UFSP2: variants seen among roughly 807,000 people sequenced by gnomAD.
The protein encoded by UFSP2 is UFM1 specific peptidase 2, also known as ufm1-specific protease 2.
A neutral mutation model predicts 60.2 loss-of-function variants in UFSP2; 43 were observed. The observed-to-expected ratio is 0.71, with a 90% CI of 0.56 to 0.92. UFSP2 has a LOEUF of 0.92. UFSP2 is among the 40% of genes least tolerant of loss of function. The pLI, the probability that UFSP2 is intolerant of heterozygous loss-of-function variation, is 0.00. For synonymous variants in UFSP2, 183 were observed against 195.1 expected (o/e 0.94, Z 0.52); for missense variants, 520 against 575.0 (o/e 0.90, Z 0.98).
At position 185,400,218 on chromosome 4, in the gene UFSP2, GT is replaced by G. The variant is rs2095511668; in HGVS notation, c.*173del. ...TGGTTGTGTATGCTTTGTCTTTTAAGTTATTAAAGGAACGTCTAAAAAATAC... is the reference window on the plus strand; with the variant it reads ...TGGTTGTGTATGCTTTGTCTTTTAAGTATTAAAGGAACGTCTAAAAAATAC... On this transcript the variant is annotated 3_prime_UTR_variant, in exon 12 of 12. Coordinates refer to ENST00000264689, the MANE Select transcript of UFSP2 (RefSeq NM_018359.5). The G allele has an allele frequency of 2.8e-6, 2 of 706,590 alleles. No individual in the cohort carries two copies. Among genetic ancestry groups the G allele is most frequent in the Non-Finnish European group, 4.6e-6 (2 of 433,736 alleles). The allele number at this position is 706,590 out of a possible 1,614,324, so 43.8% of individuals were successfully genotyped here.
Position 185,407,947 on chromosome 4 carries a change from G to C in UFSP2, c.1110C>G (p.Ile370Met), listed in dbSNP as rs545368282. Residue 370 changes from isoleucine to methionine, a missense_variant, in exon 9 of 12, where the codon ATC (isoleucine) becomes ATG (methionine). Physicochemically the swap from Ile to Met is conservative, Grantham distance 10 (BLOSUM62 1). Transcript: ENST00000264689. ...TAAAGTGTGCTTACCTGACAAACAG[G>C]ATTTTTGACGTTATACCGATCAATT... is the stretch of plus-strand genomic sequence containing the variant. ...LNQLIGITSKILFVSQGSEIA... is the reference protein window; with the variant it reads ...LNQLIGITSKMLFVSQGSEIA... 1.1e-5 allele frequency: 18 copies of C among 1,613,586 alleles called. No homozygotes were observed. The South Asian group carries it at 1.8e-4, about 16-fold the overall frequency.
chr4:185,406,260 C>T (rs2095520286), intron 9 of UFSP2: 1 of 236,656 alleles, frequency 4.2e-6, no homozygotes, highest in African/African-American at 2.2e-5. Context: ...TGTATTTCCT[C>T]ATCTTTAAAT....
At chr4:185,418,290 A>G in intron 4 of UFSP2, 151 bp downstream of exon 4, 1 of 580,562 alleles carries the variant, frequency 1.7e-6, no homozygotes, top group Non-Finnish European at 2.9e-6. Flanking sequence ...AAGTAAGACA[A>G]ACATATAACT....
intron 1 of UFSP2, among the ~76,000 whole-genome samples, chr4:185,423,758 G>A (rs2153296464): frequency 6.6e-6 from 1 of 151,882 alleles, no homozygotes; most frequent in Non-Finnish European, 1.5e-5. Flanking sequence ...CATTGTTTGT[G>A]TACACATATA....
chr4:185,402,086 G>A (rs1056167039), intron 11 of UFSP2, among the ~76,000 whole-genome samples: 22 of 151,990 alleles, frequency 1.4e-4, no homozygotes, highest in African/African-American at 4.6e-4. Context: ...CACCAGCCTC[G>A]TAGAAGCACC....
chr4:185,420,291 CA>C (rs1436960836), intron 2 of UFSP2, among the ~76,000 whole-genome samples: 1 of 151,748 alleles, frequency 6.6e-6, no homozygotes, highest in Non-Finnish European at 1.5e-5. Context: ...TTTGAATATT[CA>C]AAAAATTAGA....
rs2095520118 is a variant in UFSP2 at position 185,406,127 on chromosome 4, T to C, written c.1122-271A>G. The C allele has an allele frequency of 1.3e-5, 6 of 468,128 alleles. No individual in the cohort carries two copies. In the East Asian group the frequency reaches 2.9e-4, roughly 23 times the overall value. 29.0% of individuals were successfully genotyped at this position (468,128 alleles called of 1,614,324 possible). ...CTTCTTGAACTGTATAAAGGAGGCC[T>C]GGGTTTTTAACATGAAGTTAAAACA... On this transcript the variant is annotated intron_variant, in intron 9 of 11. Transcript: ENST00000264689.
chr4:185,404,293 G>GT (rs70962562), intron 10 of UFSP2, among the ~76,000 whole-genome samples: 15,528 of 80,396 alleles, frequency 0.19, 1,760 homozygotes, highest in African/African-American at 0.32. Context: ...CATTCATTAA[G>GT]TTTTTTTTTT....
chr4:185,425,962 G>A lies in UFSP2; in HGVS notation c.-94C>T, dbSNP rs1282098813. On this transcript the variant is annotated 5_prime_UTR_variant, in exon 1 of 12. Transcript: ENST00000264689. ...GTGTCACCGCACGGCCCAGGGGCGGGGCCCGGGCGGACCAACTACAACTCC... is the reference window on the plus strand; with the variant it reads ...GTGTCACCGCACGGCCCAGGGGCGGAGCCCGGGCGGACCAACTACAACTCC... 9.6e-6 allele frequency: 14 copies of A among 1,462,958 alleles called. No individual in the cohort carries two copies. In the East Asian group the frequency reaches 2.7e-4, roughly 29 times the overall value. 90.6% of individuals were successfully genotyped at this position (1,462,958 alleles called of 1,614,324 possible).
chr4:185,400,294 G>A lies in UFSP2; in HGVS notation c.*98C>T, dbSNP rs545090918. 9.7e-7 allele frequency: 1 copy of A among 1,030,258 alleles called. No individual in the cohort carries two copies. The highest frequency in any genetic ancestry group is 1.4e-6 in the Non-Finnish European group (1 of 696,362). The allele number at this position is 1,030,258 out of a possible 1,614,324, so 63.8% of individuals were successfully genotyped here. ...TTTGAAAAAGGTCATAATTTAAATC[G>A]TCAAACTAGAACCAGGATTTAATGT... On this transcript the variant is annotated 3_prime_UTR_variant, in exon 12 of 12. Transcript: ENST00000264689.
chr4:185,407,837 AAAAG>A lies in UFSP2; in HGVS notation c.1121+95_1121+98del, dbSNP rs1302066204. 3.9e-6 allele frequency: 5 copies of A among 1,294,916 alleles called. No homozygotes were observed. The African/African-American group carries it at 4.5e-5, about 12-fold the overall frequency. 80.2% of individuals were successfully genotyped at this position (1,294,916 alleles called of 1,614,324 possible). The stretch of plus-strand genomic sequence containing the variant: ...TAATAAGGAAGAAGGAAAAGGAATA[AAAAG>A]AAATAAGGGAAGATACCATTTTTTC... On this transcript the variant is annotated intron_variant, in intron 9 of 11. Transcript: ENST00000264689.
intron 2 of UFSP2, 53 bp downstream of exon 2, chr4:185,422,432 A>G (rs1487547793): frequency 7.8e-7 from 1 of 1,277,290 alleles, no homozygotes; most frequent in Non-Finnish European, 1.1e-6. Context: ...AAATAATCTC[A>G]GTATATTTCA....
intron 2 of UFSP2, among the ~76,000 whole-genome samples, chr4:185,419,497 C>G (rs2095545678): frequency 6.6e-6 from 1 of 152,182 alleles, no homozygotes; most frequent in Admixed American, 6.5e-5. Flanking sequence ...ACACAATATC[C>G]AAGTTTAAAT....
Position 185,399,772 on chromosome 4 carries a change from T to C in UFSP2, c.*620A>G. 1 of 1,614,036 alleles carries C rather than the reference T, an allele frequency of 6.2e-7. No individual in the cohort carries two copies. Among genetic ancestry groups the C allele is most frequent in the Non-Finnish European group, 8.5e-7 (1 of 1,179,978 alleles). On this transcript the variant is annotated 3_prime_UTR_variant, in exon 12 of 12. Coordinates refer to ENST00000264689, the MANE Select transcript of UFSP2 (RefSeq NM_018359.5). ...AAATACCAGTGGGAAAAGGAAGTGC[T>C]GGTAAGTAACTCAGAGCTGCTGCTT...
At chr4:185,413,087 T>C (rs2095532324) in intron 7 of UFSP2, among the ~76,000 whole-genome samples, 1 of 152,144 alleles carries the variant, frequency 6.6e-6, no homozygotes, top group Non-Finnish European at 1.5e-5. Context: ...GGCGGATCAC[T>C]TGAGGTCAGG....
At chr4:185,415,022 AAATG>A in intron 6 of UFSP2, 129 bp downstream of exon 6, 1 of 725,368 alleles carries the variant, frequency 1.4e-6, no homozygotes, top group Non-Finnish European at 2.1e-6. Context: ...ATAATGTGTA[AAATG>A]AATAGTCTAA....
chr4:185,423,832 GAGAA>G lies in UFSP2; in HGVS notation c.4-1273_4-1270del, dbSNP rs1382990089. On this transcript the variant is annotated intron_variant, in intron 1 of 11. Transcript: ENST00000264689. ...CATATATACACACACACACACACGA[GAGAA>G]AGAGACAGGAAGGGAGAAAGAGAGC... 3.9e-5 allele frequency among the ~76,000 whole-genome samples: 6 copies of G among 152,106 alleles called. No individual in the cohort carries two copies. The South Asian group carries it at 8.3e-4, about 21-fold the overall frequency.
At chr4:185,417,414 C>A (rs2095540638) in intron 4 of UFSP2, among the ~76,000 whole-genome samples, 1 of 152,184 alleles carries the variant, frequency 6.6e-6, no homozygotes, top group Admixed American at 6.5e-5. Context: ...CCCAAACCAA[C>A]TTCATGTCCT....
chr4:185,406,269 A>G (rs2095520292), intron 9 of UFSP2: 1 of 231,440 alleles, frequency 4.3e-6, no homozygotes, highest in African/African-American at 2.2e-5. Flanking sequence ...TCATCTTTAA[A>G]TTGGGACCCA....
Sources: allele counts gnomAD v4.1 joint callset (sites outside exome capture counted in the v4.1 genomes callset), GRCh38; gene constraint gnomAD v4.1.1; transcripts MANE v1.5; gene names NCBI Gene and HGNC (gene_info 2026-07-23, HGNC 2026-07-21).